PAPOLG: variants seen among roughly 807,000 people sequenced by gnomAD.
PAPOLG encodes PAP-gamma.
In PAPOLG, 40 loss-of-function variants were observed where a neutral mutation model predicts 99.0. That is an observed-to-expected ratio of 0.40 (90% CI 0.31 to 0.53). The LOEUF (loss-of-function observed/expected upper bound fraction) is 0.53, where lower values mean the gene tolerates loss of function less well. Among genes scored for constraint, PAPOLG ranks in the 20% least tolerant of loss-of-function variants. PAPOLG has a pLI of 0.41. For synonymous variants in PAPOLG, 310 were observed against 299.3 expected (o/e 1.04, Z -0.37); for missense variants, 675 against 884.1 (o/e 0.76, Z 3.00).
chr2:60,784,187 G>A (rs530015299), intron 13 of PAPOLG, among the ~76,000 whole-genome samples: 1 of 152,162 alleles, frequency 6.6e-6, no homozygotes, highest in Non-Finnish European at 1.5e-5. Flanking sequence ...TGGCCAGGCT[G>A]GTCTTGAACT....
rs1332202143 is a variant in PAPOLG, at chr2:60,801,854, C to T, written c.*4694C>T. On this transcript the variant is annotated 3_prime_UTR_variant, in exon 22 of 22. Transcript: ENST00000238714. Reference sequence around the variant, plus strand: ...AGCTATTGCTACATTTGAACAAAGACCCACGTACTTATCTTAGAAAGTACT... The same window carrying T: ...AGCTATTGCTACATTTGAACAAAGATCCACGTACTTATCTTAGAAAGTACT... The T allele has an allele frequency of 1.3e-5, 2 of 148,588 alleles. No individual in the cohort carries two copies. Among genetic ancestry groups the T allele is most frequent in the Admixed American group, 6.7e-5 (1 of 15,006 alleles). 9.2% of individuals were successfully genotyped at this position (148,588 alleles called of 1,614,324 possible).
intron 15 of PAPOLG, among the ~76,000 whole-genome samples, chr2:60,789,632 C>T (rs1244863653): frequency 1.3e-5 from 2 of 152,108 alleles, no homozygotes; most frequent in East Asian, 1.9e-4. Context: ...CACATCTAGC[C>T]CTCTAGTCAC....
intron 2 of PAPOLG, 77 bp downstream of exon 2, chr2:60,760,372 C>T (rs1384857942): frequency 7.4e-7 from 1 of 1,354,962 alleles, no homozygotes; most frequent in South Asian, 1.3e-5. Flanking sequence ...TGAATACCTA[C>T]TGTGTCTCTA....
At chr2:60,772,300 A>C (rs1462979011) in intron 7 of PAPOLG, among the ~76,000 whole-genome samples, 1 of 152,056 alleles carries the variant, frequency 6.6e-6, no homozygotes, top group Non-Finnish European at 1.5e-5. Context: ...AAAAACATTT[A>C]GTTGGATGTA....
rs377705279 is a variant in PAPOLG, at chr2:60,764,607, A to C, written c.246+2800A>C. On this transcript the variant is annotated intron_variant, in intron 3 of 21. Coordinates refer to ENST00000238714, the MANE Select transcript of PAPOLG (RefSeq NM_022894.4). ...CACCTGGCTAATTTTTGTATTTTTG[A>C]TAGAGACGGGGTTTTGCCATGTTGG... Among the ~76,000 whole-genome samples the C allele has an allele frequency of 1.9e-3, 291 of 151,330 alleles. 10 individuals carry two copies. The South Asian group carries it at 0.055, about 29-fold the overall frequency.
chr2:60,760,789 G>A (rs1670500599), intron 2 of PAPOLG, among the ~76,000 whole-genome samples: 1 of 152,176 alleles, frequency 6.6e-6, no homozygotes, highest in African/African-American at 2.4e-5. Context: ...CTTGTAAGGT[G>A]TTGTCAAGGT....
intron 15 of PAPOLG, 71 bp downstream of exon 15, chr2:60,787,691 T>C: frequency 1.3e-6 from 2 of 1,548,976 alleles, no homozygotes; most frequent in Middle Eastern, 1.7e-4. Flanking sequence ...GCCTACAATC[T>C]GGCTGGCTGT....
intron 13 of PAPOLG, among the ~76,000 whole-genome samples, chr2:60,783,582 C>T (rs1366839142): frequency 7.1e-6 from 1 of 140,020 alleles, no homozygotes; most frequent in Non-Finnish European, 1.5e-5. Flanking sequence ...ATAATCTCAG[C>T]TCACTGCAAC....
At chr2:60,785,405 G>A (rs1389334846) in intron 13 of PAPOLG, among the ~76,000 whole-genome samples, 1 of 152,140 alleles carries the variant, frequency 6.6e-6, no homozygotes, top group Non-Finnish European at 1.5e-5. Flanking sequence ...CCAGAGTGCT[G>A]GGATTACAGG....
At chr2:60,761,648 C>G (rs1670524232) in intron 2 of PAPOLG, 93 bp from the exon 3 acceptor site, 1 of 1,034,988 alleles carries the variant, frequency 9.7e-7, no homozygotes, top group African/African-American at 1.6e-5. Context: ...TTTACCCCAG[C>G]ATCAACACAA....
At chr2:60,780,907 T>A in intron 10 of PAPOLG, 128 bp downstream of exon 10, 1 of 711,130 alleles carries the variant, frequency 1.4e-6, no homozygotes, top group South Asian at 1.8e-5. Flanking sequence ...GTCCCCTTCC[T>A]CCTTCTGCTG....
chr2:60,776,081 A>G (rs1671008186), intron 8 of PAPOLG, among the ~76,000 whole-genome samples: 1 of 152,138 alleles, frequency 6.6e-6, no homozygotes. Context: ...TGTTTCTTAA[A>G]TGGTAAAACA....
At position 60,801,940 on chromosome 2, in the gene PAPOLG, A is replaced by G. The variant is rs191328448; in HGVS notation, c.*4780A>G. ...CTACAGTACTATGTAAAATGAATGG[A>G]GCTGCTGTTCCTTTCTAGCTAGCTG... On this transcript the variant is annotated 3_prime_UTR_variant, in exon 22 of 22. Transcript: ENST00000238714. 7 of 152,454 alleles carry G rather than the reference A, an allele frequency of 4.6e-5. No homozygotes were observed. The East Asian group carries it at 1.3e-3, about 29-fold the overall frequency. 9.4% of individuals were successfully genotyped at this position (152,454 alleles called of 1,614,324 possible).
chr2:60,790,162 G>GGAGC (rs1671486799), intron 15 of PAPOLG, among the ~76,000 whole-genome samples: 1 of 152,104 alleles, frequency 6.6e-6, no homozygotes, highest in Non-Finnish European at 1.5e-5. Flanking sequence ...CTCTGGGGAG[G>GGAGC]GAGCCAGAGA....
intron 13 of PAPOLG, among the ~76,000 whole-genome samples, chr2:60,784,966 G>T (rs558370194): frequency 8.7e-4 from 132 of 152,222 alleles, no homozygotes; most frequent in African/African-American, 3.1e-3. Flanking sequence ...TTTTGCTGAT[G>T]TTTTTAAAAA....
chr2:60,767,858 A>T (rs569205199), intron 3 of PAPOLG, among the ~76,000 whole-genome samples: 2 of 152,358 alleles, frequency 1.3e-5, no homozygotes, highest in Admixed American at 1.3e-4. Context: ...GATGAAGCGA[A>T]AGACAGGCAG....
intron 9 of PAPOLG, among the ~76,000 whole-genome samples, chr2:60,780,142 C>A (rs1209086348): frequency 6.6e-6 from 1 of 152,078 alleles, no homozygotes; most frequent in Admixed American, 6.6e-5. Flanking sequence ...GGAATTAAAT[C>A]CATGAAAGCA....
intron 1 of PAPOLG, among the ~76,000 whole-genome samples, chr2:60,758,673 C>G (rs973036701): frequency 2.0e-5 from 3 of 152,118 alleles, no homozygotes; most frequent in African/African-American, 7.2e-5. Context: ...AAGTAATCCA[C>G]CTGCCTTGGC....
At chr2:60,783,807 C>CAGTGTTTAA in intron 13 of PAPOLG, among the ~76,000 whole-genome samples, 1 of 151,622 alleles carries the variant, frequency 6.6e-6, no homozygotes, top group Non-Finnish European at 1.5e-5. Context: ...CATGGAGCTT[C>CAGTGTTTAA]AGTGTTTAAA....
Sources: allele counts gnomAD v4.1 joint callset (sites outside exome capture counted in the v4.1 genomes callset), GRCh38; gene constraint gnomAD v4.1.1; transcripts MANE v1.5; gene names NCBI Gene and HGNC (gene_info 2026-07-23, HGNC 2026-07-21).